The following PRMT8 variants were observed in gnomAD, a reference collection of about 807,000 sequenced individuals.
The protein encoded by PRMT8 is protein arginine N-methyltransferase 8.
Under a neutral mutation model 47.1 loss-of-function variants are expected in PRMT8, and 7 were observed. The ratio of observed to expected loss-of-function variants is 0.15; its 90% CI spans 0.08 to 0.28. PRMT8 has a LOEUF of 0.28. Among genes scored for constraint, PRMT8 ranks in the 10% least tolerant of loss-of-function variants. PRMT8 has a pLI of 1.00. For missense variants in PRMT8, 237 were observed against 505.4 expected (o/e 0.47, Z 5.09); for synonymous variants, 188 against 186.5 (o/e 1.01, Z -0.07).
intron 1 of PRMT8, among the ~76,000 whole-genome samples, chr12:3,506,159 C>T (rs1865620944): frequency 1.3e-5 from 2 of 152,126 alleles, no homozygotes; most frequent in South Asian, 4.1e-4. Context: ...TCGCTTACTG[C>T]AGTTATCTGT....
chr12:3,473,146 C>T (rs1865176680), intron 1 of PRMT8, among the ~76,000 whole-genome samples: 1 of 152,150 alleles, frequency 6.6e-6, no homozygotes. Context: ...TTCTTGAAAG[C>T]ATCACCTGCA....
At chr12:3,562,772 G>T (rs1866658397) in intron 4 of PRMT8, among the ~76,000 whole-genome samples, 1 of 152,222 alleles carries the variant, frequency 6.6e-6, no homozygotes, top group Non-Finnish European at 1.5e-5. Flanking sequence ...TAAAGGTGAA[G>T]ATGGGGCCAT....
intron 4 of PRMT8, among the ~76,000 whole-genome samples, chr12:3,560,107 G>A (rs897880424): frequency 6.6e-6 from 1 of 152,150 alleles, no homozygotes; most frequent in African/African-American, 2.4e-5. Flanking sequence ...CAACAGGTGG[G>A]TAGAGCCAGC....
At chr12:3,452,996 A>G in intron 1 of PRMT8, among the ~76,000 whole-genome samples, 1 of 152,130 alleles carries the variant, frequency 6.6e-6, no homozygotes, top group East Asian at 1.9e-4. Flanking sequence ...CAAAGAAAAC[A>G]TTCCTGCCTA....
At chr12:3,558,462 C>A (rs1207638596) in intron 4 of PRMT8, among the ~76,000 whole-genome samples, 1 of 152,150 alleles carries the variant, frequency 6.6e-6, no homozygotes, top group African/African-American at 2.4e-5. Context: ...GAAATTAAAA[C>A]GTCATCATTA....
At chr12:3,553,615 T>A in intron 3 of PRMT8, 36 bp from the exon 4 acceptor site, 1 of 1,538,912 alleles carries the variant, frequency 6.5e-7, no homozygotes, top group Non-Finnish European at 9.0e-7. Flanking sequence ...GTGATTTTTT[T>A]TGACGCCTTG....
At position 3,411,349 on chromosome 12, in the gene PRMT8, A is replaced by G. The variant is rs192056390; in HGVS notation, c.48+29907A>G. ...TTTCCTTCCTCTTTCAGATTGTAGC[A>G]CTACAAAATTTCATTGCTTTGATCA... is the stretch of plus-strand genomic sequence containing the variant. On this transcript the variant is annotated intron_variant, in intron 1 of 9. Coordinates refer to the PRMT8 transcript ENST00000452611. Among the ~76,000 whole-genome samples the G allele has an allele frequency of 8.5e-5, 13 of 152,320 alleles. No homozygotes were observed. In the East Asian group the frequency reaches 2.5e-3, roughly 29 times the overall value.
intron 1 of PRMT8, among the ~76,000 whole-genome samples, chr12:3,466,321 T>C (rs999293691): frequency 6.6e-6 from 1 of 152,066 alleles, no homozygotes; most frequent in African/African-American, 2.4e-5. Flanking sequence ...GATCCCCAAG[T>C]TTCTCTCCTT....
At chr12:3,539,010 G>A (rs1866172950) in intron 1 of PRMT8, among the ~76,000 whole-genome samples, 1 of 152,214 alleles carries the variant, frequency 6.6e-6, no homozygotes, top group Non-Finnish European at 1.5e-5. Flanking sequence ...GGACTGCGCG[G>A]AGTGATTCCA....
chr12:3,467,734 C>T (rs558322103), intron 1 of PRMT8, among the ~76,000 whole-genome samples: 2 of 152,340 alleles, frequency 1.3e-5, no homozygotes, highest in African/African-American at 4.8e-5. Flanking sequence ...GGCTAGAAAG[C>T]AGTTTCACCG....
At chr12:3,430,340 C>G (rs1214385727) in intron 1 of PRMT8, among the ~76,000 whole-genome samples, 1 of 152,206 alleles carries the variant, frequency 6.6e-6, no homozygotes, top group Admixed American at 6.5e-5. Context: ...GGCTATCTGC[C>G]TGTGGATTCC....
chr12:3,525,229 A>G (rs555886928), intron 1 of PRMT8, among the ~76,000 whole-genome samples: 2 of 152,096 alleles, frequency 1.3e-5, no homozygotes, highest in African/African-American at 2.4e-5. Flanking sequence ...CTCAAAAAAA[A>G]AGAGAACTAT....
chr12:3,381,522 G>C, intron 1 of PRMT8: 1 of 1,413,254 alleles, frequency 7.1e-7, no homozygotes. Context: ...ACCCCGTGTG[G>C]GCTGTTGGCT....
rs769165827 is a variant in PRMT8, at chr12:3,583,129, C to T, written c.900C>T (p.Arg300=). 2.5e-6 allele frequency: 4 copies of T among 1,614,042 alleles called. No individual in the cohort carries two copies. The African/African-American group carries it at 5.3e-5, about 22-fold the overall frequency. Residue 300 remains arginine (R), a synonymous_variant, in exon 8 of 10, where the codon CGC becomes CGT. Coordinates refer to ENST00000382622, the MANE Select transcript of PRMT8 (RefSeq NM_019854.5). The surrounding 1 kb of genome is among the most constrained non-coding windows in gnomAD (Gnocchi z 4.7). ...CTGCATTCTGCCTGCAGATACAGCG[C>T]AACGACTACGTCCACGCCCTGGTCA... ...FTSAFCLQIQ[R]NDYVHALVTY...
rs370738399 is a variant in PRMT8, at chr12:3,583,144, C to T, written c.915C>T (p.His305=). The T allele has an allele frequency of 1.2e-5, 20 of 1,613,950 alleles. No individual in the cohort carries two copies. Among genetic ancestry groups the T allele is most frequent in the South Asian group, 7.7e-5 (7 of 91,060 alleles). ...CLQIQRNDYV[H]ALVTYFNIEF... The stretch of plus-strand genomic sequence containing the variant: ...AGATACAGCGCAACGACTACGTCCA[C>T]GCCCTGGTCACCTATTTTAATATTG... The change falls in exon 8 of 10, where the codon CAC becomes CAT. Residue 305 remains histidine, a synonymous_variant. Transcript: ENST00000382622. The surrounding 1 kb of genome is among the most constrained non-coding windows in gnomAD (Gnocchi z 4.7).
At chr12:3,587,185 A>G (rs1234116713) in intron 8 of PRMT8, among the ~76,000 whole-genome samples, 1 of 148,124 alleles carries the variant, frequency 6.8e-6, no homozygotes, top group African/African-American at 2.4e-5. Flanking sequence ...TTAATTATAT[A>G]TAATTATATT....
At chr12:3,568,882 G>A (rs150797124) in intron 5 of PRMT8, 34 bp downstream of exon 5, 185 of 1,612,286 alleles carry the variant, frequency 1.1e-4, no homozygotes, top group Middle Eastern at 3.5e-4. Context: ...CGCGTTGGCC[G>A]GCTGGCTGTC....
chr12:3,483,870 C>T (rs1474644468), intron 1 of PRMT8, among the ~76,000 whole-genome samples: 1 of 152,148 alleles, frequency 6.6e-6, no homozygotes, highest in Non-Finnish European at 1.5e-5. Context: ...AGCCCAGTAG[C>T]CTGTATTGCT....
rs981492271 is a variant in PRMT8 at position 3,580,938 on chromosome 12, A to G, written c.829-2120A>G. 3.3e-5 allele frequency among the ~76,000 whole-genome samples: 5 copies of G among 152,222 alleles called. No homozygotes were observed. The highest frequency in any genetic ancestry group is 5.9e-5 in the Non-Finnish European group (4 of 68,032). ...CATGTGGCTGGGAGGGATAATGAGC[A>G]TTATGAAGGCTGACATATACTCAGT... is the stretch of plus-strand genomic sequence containing the variant. On this transcript the variant is annotated intron_variant, in intron 7 of 9. Coordinates refer to ENST00000382622, the MANE Select transcript of PRMT8 (RefSeq NM_019854.5). This position sits in a 1 kb window ranked among gnomAD's most constrained non-coding sequence, Gnocchi z 4.6.
Sources: allele counts gnomAD v4.1 joint callset (sites outside exome capture counted in the v4.1 genomes callset), GRCh38; gene constraint gnomAD v4.1.1; non-coding constraint Gnocchi (gnomAD v3.1); transcripts MANE v1.5; gene names NCBI Gene and HGNC (gene_info 2026-07-23, HGNC 2026-07-21).